Variants in AGMO observed in about 807,000 individuals in gnomAD.
AGMO encodes the protein glyceryl-ether monooxygenase.
Under a neutral mutation model 60.2 loss-of-function variants are expected in AGMO, and 75 were observed. The ratio of observed to expected loss-of-function variants is 1.25; its 90% CI spans 1.03 to 1.51. AGMO has a LOEUF of 1.51. AGMO is among the 40% of genes most tolerant of loss of function. The pLI is 0.00. For synonymous variants in AGMO, 261 were observed against 177.1 expected (o/e 1.47, Z -3.76); for missense variants, 763 against 525.5 (o/e 1.45, Z -4.42).
chr7:15,342,802 A>AC (rs1468575020), intron 12 of AGMO, among the ~76,000 whole-genome samples: 1 of 107,180 alleles, frequency 9.3e-6, no homozygotes, highest in African/African-American at 4.7e-5. Context: ...AAAAAAAAAA[A>AC]AAATTGATCT....
At chr7:15,537,584 T>C (rs1053174938) in intron 3 of AGMO, among the ~76,000 whole-genome samples, 1 of 152,250 alleles carries the variant, frequency 6.6e-6, no homozygotes. Context: ...TAATTATTCC[T>C]GGAAATATTT....
In AGMO at chr7:15,420,411, G is replaced by A. The variant is rs746948407; in HGVS notation, c.514-1758C>T. On this transcript the variant is annotated intron_variant, in intron 4 of 12. Transcript: ENST00000342526. ...ATCTTATATATCAGTAATATAATGAGGAACTGACCAATGGAAAAATAAGCT... is the reference window on the plus strand; with the variant it reads ...ATCTTATATATCAGTAATATAATGAAGAACTGACCAATGGAAAAATAAGCT... 7.9e-5 allele frequency among the ~76,000 whole-genome samples: 12 copies of A among 151,934 alleles called. 1 individual carries two copies. The highest frequency in any genetic ancestry group is 1.3e-4 in the Non-Finnish European group (9 of 67,952).
At chr7:15,247,284 C>A (rs1481178797) in intron 12 of AGMO, among the ~76,000 whole-genome samples, 1 of 152,014 alleles carries the variant, frequency 6.6e-6, no homozygotes, top group African/African-American at 2.4e-5. Context: ...AATACATTTT[C>A]ATGTTGAAAG....
chr7:15,548,786 C>T (rs936220724), intron 2 of AGMO, among the ~76,000 whole-genome samples: 1 of 152,018 alleles, frequency 6.6e-6, no homozygotes, highest in African/African-American at 2.4e-5. Context: ...GCAAGGCAGG[C>T]CAACGTTCAG....
At chr7:15,330,775 T>C (rs990311834) in intron 12 of AGMO, among the ~76,000 whole-genome samples, 6 of 152,172 alleles carry the variant, frequency 3.9e-5, no homozygotes, top group Non-Finnish European at 7.3e-5. Context: ...TATGTGACTT[T>C]GGACAATTTA....
At chr7:15,160,040 T>A in the AGMO span, among the ~76,000 whole-genome samples, 5 of 152,336 alleles carry the variant, frequency 3.3e-5, no homozygotes, top group Admixed American at 3.3e-4. Context: ...ATATCACTTT[T>A]GCACTATATT....
chr7:15,148,410 G>A, the AGMO span, among the ~76,000 whole-genome samples: 48 of 152,080 alleles, frequency 3.2e-4, no homozygotes, highest in Non-Finnish European at 6.2e-4. Flanking sequence ...GGGGTTTGGT[G>A]TACAAGTGAT....
intron 10 of AGMO, among the ~76,000 whole-genome samples, chr7:15,369,092 ACTT>A (rs1211593495): frequency 6.6e-6 from 1 of 152,078 alleles, no homozygotes. Flanking sequence ...GTCACTGTCT[ACTT>A]CTAATATATC....
At chr7:15,308,395 G>C (rs924973396) in intron 12 of AGMO, among the ~76,000 whole-genome samples, 4 of 152,008 alleles carry the variant, frequency 2.6e-5, no homozygotes, top group Admixed American at 6.6e-5. Flanking sequence ...CATTTGAGAA[G>C]ACTTTTCTGA....
At chr7:15,368,405 T>C (rs1403822934) in intron 10 of AGMO, among the ~76,000 whole-genome samples, 3 of 152,072 alleles carry the variant, frequency 2.0e-5, no homozygotes, top group Admixed American at 1.3e-4. Context: ...GGGGAAAAAT[T>C]TACATATAAG....
intron 3 of AGMO, among the ~76,000 whole-genome samples, chr7:15,533,790 G>A (rs941846277): frequency 6.6e-6 from 1 of 151,950 alleles, no homozygotes; most frequent in Non-Finnish European, 1.5e-5. Context: ...TTTTTCCGGG[G>A]CTCTTCTGTT....
chr7:15,516,704 C>G (rs998073600), intron 3 of AGMO, among the ~76,000 whole-genome samples: 2 of 152,036 alleles, frequency 1.3e-5, no homozygotes, highest in Non-Finnish European at 2.9e-5. Flanking sequence ...TATCCAAAAA[C>G]TGTCAGTTAT....
At chr7:15,454,541 T>C (rs1781947564) in intron 3 of AGMO, among the ~76,000 whole-genome samples, 1 of 152,180 alleles carries the variant, frequency 6.6e-6, no homozygotes, top group Non-Finnish European at 1.5e-5. Flanking sequence ...TATTGACCTA[T>C]ATAAGATCGT....
At chr7:15,144,989 T>C in the AGMO span, among the ~76,000 whole-genome samples, 1 of 152,034 alleles carries the variant, frequency 6.6e-6, no homozygotes, top group Non-Finnish European at 1.5e-5. Context: ...GCCGCCACGC[T>C]TTGCTAATTT....
chr7:15,392,478 C>A (rs533919637), intron 6 of AGMO, among the ~76,000 whole-genome samples: 1 of 151,992 alleles, frequency 6.6e-6, no homozygotes, highest in East Asian at 1.9e-4. Flanking sequence ...TCCCCATAAA[C>A]CATCTAAATT....
At chr7:15,446,632 C>T (rs1410173990) in intron 3 of AGMO, among the ~76,000 whole-genome samples, 2 of 152,134 alleles carry the variant, frequency 1.3e-5, no homozygotes, top group African/African-American at 2.4e-5. Context: ...TAAATATCCA[C>T]CTTATAAAGA....
At chr7:15,433,797 T>C (rs1050485037) in intron 3 of AGMO, among the ~76,000 whole-genome samples, 2 of 151,854 alleles carry the variant, frequency 1.3e-5, no homozygotes, top group Non-Finnish European at 2.9e-5. Context: ...ATTATAATTT[T>C]TCCATGATAT....
At chr7:15,305,453 A>C (rs967996104) in intron 12 of AGMO, among the ~76,000 whole-genome samples, 3 of 152,020 alleles carry the variant, frequency 2.0e-5, no homozygotes, top group Non-Finnish European at 4.4e-5. Context: ...ATCAAAGTTC[A>C]ACATGTTGCA....
the AGMO span, among the ~76,000 whole-genome samples, chr7:15,153,425 G>A: frequency 6.6e-6 from 1 of 152,132 alleles, no homozygotes; most frequent in East Asian, 1.9e-4. Context: ...TTAAGCCAAA[G>A]GCTAGAAGGG....
Sources: gnomAD v4.1 joint callset for allele counts (sites outside exome capture counted in the v4.1 genomes callset) on GRCh38, gnomAD v4.1.1 for gene constraint, MANE v1.5 for transcripts, NCBI Gene and HGNC (gene_info 2026-07-23, HGNC 2026-07-21) for gene names.